XXYLT1: variants seen among roughly 807,000 people sequenced by gnomAD.
XXYLT1 encodes UDP-xylose:alpha-xyloside alpha-1,3-xylosyltransferase.
In XXYLT1, 20 loss-of-function variants were observed where a neutral mutation model predicts 28.9. The ratio of observed to expected loss-of-function variants is 0.69; its 90% CI spans 0.49 to 1.00. The LOEUF (loss-of-function observed/expected upper bound fraction) is 1.00. Among genes scored for constraint, XXYLT1 ranks in the 50% least tolerant of loss-of-function variants. The probability of loss-of-function intolerance (pLI) is 0.00; values close to 1 mark genes in which losing one functional copy is unlikely to be tolerated. For missense variants in XXYLT1, 542 were observed against 560.1 expected (o/e 0.97, Z 0.33); for synonymous variants, 257 against 253.8 (o/e 1.01, Z -0.12).
chr3:195,159,188 G>C (rs9809570), intron 2 of XXYLT1, among the ~76,000 whole-genome samples: 12,635 of 152,254 alleles, frequency 0.083, 710 homozygotes, highest in East Asian at 0.27. Flanking sequence ...AGAATGGCCA[G>C]CACCCAAGGC....
chr3:195,069,351 T>G lies in XXYLT1; in HGVS notation c.*364A>C. ...TGGAAGGCTGTCAATTTAAATTAAATTTATATTGGTCCAAAAAAGGCCGGG... is the reference window on the plus strand; with the variant it reads ...TGGAAGGCTGTCAATTTAAATTAAAGTTATATTGGTCCAAAAAAGGCCGGG... On this transcript the variant is annotated 3_prime_UTR_variant, in exon 4 of 4. Transcript: ENST00000310380. The G allele has an allele frequency of 4.6e-6, 1 of 217,502 alleles. No homozygotes were observed. Among genetic ancestry groups the G allele is most frequent in the Non-Finnish European group, 9.2e-6 (1 of 109,150 alleles). The allele number at this position is 217,502 out of a possible 1,614,324, so 13.5% of individuals were successfully genotyped here.
chr3:195,099,919 G>A (rs1160484484), intron 3 of XXYLT1, among the ~76,000 whole-genome samples: 3 of 151,778 alleles, frequency 2.0e-5, no homozygotes, highest in African/African-American at 7.3e-5. Context: ...CTAAAGTGTA[G>A]CTTCAGTCAA....
At chr3:195,200,129 T>C (rs1275699480) in intron 2 of XXYLT1, among the ~76,000 whole-genome samples, 1 of 152,186 alleles carries the variant, frequency 6.6e-6, no homozygotes, top group Admixed American at 6.5e-5. Context: ...GAACCTGCCA[T>C]TTAGGGGATG....
intron 3 of XXYLT1, among the ~76,000 whole-genome samples, chr3:195,135,992 G>A (rs141876837): frequency 2.0e-5 from 3 of 152,268 alleles, no homozygotes; most frequent in African/African-American, 7.2e-5. Context: ...GCTGGATACA[G>A]TTTCCACTAA....
intron 1 of XXYLT1, among the ~76,000 whole-genome samples, chr3:195,266,402 G>A (rs1725850515): frequency 1.3e-5 from 2 of 152,060 alleles, no homozygotes; most frequent in East Asian, 1.9e-4. Context: ...GCTGAGACAG[G>A]AGAATCGCTT....
At chr3:195,083,162 T>G (rs73074258) in intron 3 of XXYLT1, among the ~76,000 whole-genome samples, 6,677 of 152,214 alleles carry the variant, frequency 0.044, 227 homozygotes, top group East Asian at 0.19. Context: ...CCCTAGTGCT[T>G]GCCTTTTCCT....
At chr3:195,135,414 G>A (rs1719140388) in intron 3 of XXYLT1, among the ~76,000 whole-genome samples, 1 of 152,210 alleles carries the variant, frequency 6.6e-6, no homozygotes, top group African/African-American at 2.4e-5. Flanking sequence ...GAGTCAGTCA[G>A]CAGGGGCAGG....
rs1019754806 is a variant in XXYLT1 at position 195,256,477 on chromosome 3, G to A, written c.504+14078C>T. 5.9e-5 allele frequency: 58 copies of A among 985,220 alleles called. 1 individual carries two copies. The highest frequency in any genetic ancestry group is 2.5e-4 in the Admixed American group (4 of 16,264). 61.0% of individuals were successfully genotyped at this position (985,220 alleles called of 1,614,324 possible). ...AACGAACCAGTACCTCCCAGAGGAC[G>A]GAAGGGAAGTCAGCACGGAAGCCTC... On this transcript the variant is annotated intron_variant, in intron 1 of 3. Coordinates refer to ENST00000310380, the MANE Select transcript of XXYLT1 (RefSeq NM_152531.5). The surrounding 1 kb of genome is among the most constrained non-coding windows in gnomAD (Gnocchi z 4.2).
intron 2 of XXYLT1, among the ~76,000 whole-genome samples, chr3:195,213,905 C>A (rs9825185): frequency 0.9 from 136,427 of 152,212 alleles, 61,258 homozygotes; most frequent in African/African-American, 0.95. Flanking sequence ...TTTTCACTCA[C>A]GATCTGTGTT....
At chr3:195,241,930 T>C (rs1724794332) in intron 1 of XXYLT1, among the ~76,000 whole-genome samples, 1 of 152,128 alleles carries the variant, frequency 6.6e-6, no homozygotes, top group South Asian at 2.1e-4. Context: ...ACCAGACATG[T>C]CATATTTTTC....
chr3:195,219,480 G>A (rs1723725693), intron 2 of XXYLT1, among the ~76,000 whole-genome samples: 2 of 152,210 alleles, frequency 1.3e-5, no homozygotes, highest in South Asian at 4.1e-4. Flanking sequence ...TTTCAGGGCA[G>A]GCAGGCAGGA....
At position 195,257,188 on chromosome 3, in the gene XXYLT1, A is replaced by C. The variant is rs1560179013; in HGVS notation, c.504+13367T>G. On this transcript the variant is annotated intron_variant, in intron 1 of 3. Coordinates refer to ENST00000310380, the MANE Select transcript of XXYLT1 (RefSeq NM_152531.5). The surrounding 1 kb of genome is among the most constrained non-coding windows in gnomAD (Gnocchi z 4.3). ...GGACATCTGACGGGCATCGGTGCCC[A>C]GCCATCCCACCCCGGCCTTCCATGG... is the stretch of plus-strand genomic sequence containing the variant. 2.0e-5 allele frequency among the ~76,000 whole-genome samples: 3 copies of C among 152,298 alleles called. 1 individual carries two copies. In the East Asian group the frequency reaches 5.8e-4, roughly 29 times the overall value.
intron 3 of XXYLT1, among the ~76,000 whole-genome samples, chr3:195,151,386 T>G (rs1469277280): frequency 8.6e-5 from 13 of 151,810 alleles, no homozygotes; most frequent in Admixed American, 8.5e-4. Flanking sequence ...CAAAAATTAG[T>G]CAGGAGTGGT....
chr3:195,238,656 G>A (rs1204660272), intron 1 of XXYLT1, among the ~76,000 whole-genome samples: 1 of 152,188 alleles, frequency 6.6e-6, no homozygotes, highest in East Asian at 1.9e-4. Flanking sequence ...TCAGGGCCAT[G>A]TGGAACACAC....
At position 195,255,200 on chromosome 3, in the gene XXYLT1, G is replaced by A. The variant is rs947415795; in HGVS notation, c.504+15355C>T. On this transcript the variant is annotated intron_variant, in intron 1 of 3. Coordinates refer to ENST00000310380, the MANE Select transcript of XXYLT1 (RefSeq NM_152531.5). This position sits in a 1 kb window ranked among gnomAD's most constrained non-coding sequence, Gnocchi z 4.5. ...TCGGACTAAACCAGCAGAAAAGGCG[G>A]TTTCCGAGTACCATGCTCGCACAAC... 2.0e-5 allele frequency among the ~76,000 whole-genome samples: 3 copies of A among 152,230 alleles called. No individual in the cohort carries two copies. The highest frequency in any genetic ancestry group is 4.4e-5 in the Non-Finnish European group (3 of 68,042).
intron 3 of XXYLT1, among the ~76,000 whole-genome samples, chr3:195,134,863 GTGTGT>G (rs1719098202): frequency 9.8e-6 from 1 of 101,628 alleles, no homozygotes; most frequent in Non-Finnish European, 2.0e-5. Context: ...GTGTGTGTGT[GTGTGT>G]GCGTGTGCGC....
At chr3:195,232,982 G>A (rs1724364175) in intron 1 of XXYLT1, among the ~76,000 whole-genome samples, 1 of 152,090 alleles carries the variant, frequency 6.6e-6, no homozygotes, top group African/African-American at 2.4e-5. Context: ...GGGGTGTTGA[G>A]GTCTCCAGCT....
chr3:195,183,686 C>A (rs1293714992), intron 2 of XXYLT1: 1 of 152,186 alleles, frequency 6.6e-6, no homozygotes, highest in African/African-American at 2.4e-5. Context: ...CAAGTCCCTC[C>A]AGAATGATCC....
intron 1 of XXYLT1, among the ~76,000 whole-genome samples, chr3:195,250,576 A>C (rs1415124612): frequency 2.0e-5 from 3 of 151,974 alleles, no homozygotes; most frequent in Non-Finnish European, 4.4e-5. Context: ...AAAAAAAAAA[A>C]AAAACACTGC....
Sources: gnomAD v4.1 joint callset for allele counts (sites outside exome capture counted in the v4.1 genomes callset) on GRCh38, gnomAD v4.1.1 for gene constraint, Gnocchi (gnomAD v3.1) non-coding constraint, MANE v1.5 for transcripts, NCBI Gene and HGNC (gene_info 2026-07-23, HGNC 2026-07-21) for gene names.